PDPK1: variants seen among roughly 807,000 people sequenced by gnomAD.
PDPK1 encodes 3-phosphoinositide dependent protein kinase 1.
Under a neutral mutation model 39.8 loss-of-function variants are expected in PDPK1, and 7 were observed. The ratio of observed to expected loss-of-function variants is 0.18; its 90% confidence interval spans 0.10 to 0.33. The LOEUF (loss-of-function observed/expected upper bound fraction) is 0.33. PDPK1 is among the 10% of genes least tolerant of loss of function. The probability of loss-of-function intolerance (pLI) is 1.00; values close to 1 mark genes in which losing one functional copy is unlikely to be tolerated. For synonymous variants in PDPK1, 118 were observed against 159.1 expected (o/e 0.74, Z 1.95); for missense variants, 182 against 384.7 (o/e 0.47, Z 4.41).
In PDPK1 at chr16:2,597,493, G is replaced by A. The variant is rs1288062840; in HGVS notation, c.1555-158G>A. 2.6e-5 allele frequency among the ~76,000 whole-genome samples: 4 copies of A among 152,214 alleles called. No homozygotes were observed. The highest frequency in any genetic ancestry group is 5.9e-5 in the Non-Finnish European group (4 of 68,040). ...AGTTTGGTGGTGACTGGGGGTGGTGGTCATCAGCCTGTGTAGTTGCTTACT... is the reference window on the plus strand; with the variant it reads ...AGTTTGGTGGTGACTGGGGGTGGTGATCATCAGCCTGTGTAGTTGCTTACT... On this transcript the variant is annotated intron_variant, in intron 13 of 13. Coordinates refer to ENST00000342085, the MANE Select transcript of PDPK1 (RefSeq NM_002613.5). The surrounding 1 kb of genome is among the most constrained non-coding windows in gnomAD (Gnocchi z 6.3).
At chr16:2,579,678 G>A (rs557066965) in intron 7 of PDPK1, 5 of 141,982 alleles carry the variant, frequency 3.5e-5, no homozygotes, top group South Asian at 2.4e-4. Flanking sequence ...GAGGCCGGGC[G>A]TGGTGGCTCA....
rs1213516771 is a variant in PDPK1 at position 2,600,383 on chromosome 16, G to A, written c.*2616G>A. 2.1e-5 allele frequency: 5 copies of A among 232,720 alleles called. No individual in the cohort carries two copies. Among genetic ancestry groups the A allele is most frequent in the East Asian group, 6.0e-5 (1 of 16,584 alleles). The allele number at this position is 232,720 out of a possible 1,614,324, so 14.4% of individuals were successfully genotyped here. On this transcript the variant is annotated 3_prime_UTR_variant, in exon 14 of 14. Coordinates refer to ENST00000342085, the MANE Select transcript of PDPK1 (RefSeq NM_002613.5). ...CACAAAGCGGAGGGAGGCTGTGGTC[G>A]CTGCCGGCCTAGGTGTCCCAGGTGC...
intron 1 of PDPK1, among the ~76,000 whole-genome samples, chr16:2,540,520 G>A (rs1366029854): frequency 6.6e-6 from 1 of 152,100 alleles, no homozygotes; most frequent in Non-Finnish European, 1.5e-5. Context: ...AGGGTCTGCC[G>A]GGCAGCTCAG....
At chr16:2,547,103 C>G (rs1383783683) in intron 1 of PDPK1, among the ~76,000 whole-genome samples, 1 of 149,330 alleles carries the variant, frequency 6.7e-6, no homozygotes, top group Non-Finnish European at 1.5e-5. Flanking sequence ...TTTGCTCAGC[C>G]CTGTTCTTGG....
intron 1 of PDPK1, among the ~76,000 whole-genome samples, chr16:2,545,678 A>G (rs918438059): frequency 2.0e-5 from 3 of 152,168 alleles, no homozygotes; most frequent in Non-Finnish European, 4.4e-5. Context: ...TATTTTCAGT[A>G]GAGACGGCGT....
At chr16:2,596,039 GC>G (rs2142008465) in intron 12 of PDPK1, among the ~76,000 whole-genome samples, 189 bp downstream of exon 12, 1 of 152,332 alleles carries the variant, frequency 6.6e-6, no homozygotes, top group African/African-American at 2.4e-5. Flanking sequence ...ACACGCGTAG[GC>G]GGTTAGGGCA....
intron 1 of PDPK1, among the ~76,000 whole-genome samples, chr16:2,541,642 G>A (rs1395311041): frequency 6.6e-6 from 1 of 152,170 alleles, no homozygotes; most frequent in Admixed American, 6.5e-5. Flanking sequence ...TGTGGCCACT[G>A]GGCTGCCCAG....
intron 11 of PDPK1, among the ~76,000 whole-genome samples, chr16:2,592,296 C>T (rs1481526190): frequency 1.3e-5 from 2 of 152,102 alleles, no homozygotes; most frequent in Non-Finnish European, 2.9e-5. Flanking sequence ...GAGGTGTCGC[C>T]TGTTTTGAGG....
At position 2,593,341 on chromosome 16, in the gene PDPK1, C is replaced by G. The variant is rs942722451; in HGVS notation, c.1344-2452C>G. On this transcript the variant is annotated intron_variant, in intron 11 of 13. Coordinates refer to ENST00000342085, the MANE Select transcript of PDPK1 (RefSeq NM_002613.5). This position sits in a 1 kb window ranked among gnomAD's most constrained non-coding sequence, Gnocchi z 4.2. Reference sequence around the variant, plus strand: ...TTTGCTGTGGGGTGCAGCTGATGGCCCATGGCGGCTGTATCTGGAAGTCCT... The same window carrying G: ...TTTGCTGTGGGGTGCAGCTGATGGCGCATGGCGGCTGTATCTGGAAGTCCT... 1.2e-5 allele frequency: 4 copies of G among 338,340 alleles called. No individual in the cohort carries two copies. Among genetic ancestry groups the G allele is most frequent in the African/African-American group, 2.2e-5 (1 of 45,856 alleles). The allele number at this position is 338,340 out of a possible 1,614,324, so 21.0% of individuals were successfully genotyped here.
rs1597036220 is a variant in PDPK1 at position 2,558,021 on chromosome 16, C to T, written c.285+58C>T. 6 of 1,597,736 alleles carry T rather than the reference C, an allele frequency of 3.8e-6. No homozygotes were observed. The East Asian group carries it at 1.3e-4, about 36-fold the overall frequency. On this transcript the variant is annotated intron_variant, in intron 2 of 13. Coordinates refer to ENST00000342085, the MANE Select transcript of PDPK1 (RefSeq NM_002613.5). Reference sequence around the variant, plus strand: ...ACGTGATTTCCTTGGGGAGGCTCACCTTCCTCGGGGCTTGCCGGAGACTCC... The same window carrying T: ...ACGTGATTTCCTTGGGGAGGCTCACTTTCCTCGGGGCTTGCCGGAGACTCC...
At chr16:2,585,713 C>A (rs536770144) in intron 10 of PDPK1, among the ~76,000 whole-genome samples, 2 of 152,330 alleles carry the variant, frequency 1.3e-5, no homozygotes, top group South Asian at 2.1e-4. Context: ...TGCCCGTTGG[C>A]GAGCACCTTG....
Position 2,593,156 on chromosome 16 carries a change from G to A in PDPK1, c.1344-2637G>A. ...ACCACTCCTGCACGCCCGTGCCTGT[G>A]GCATGCCCAGATGATCAGGGTGGAG... On this transcript the variant is annotated intron_variant, in intron 11 of 13. Transcript: ENST00000342085. This position sits in a 1 kb window ranked among gnomAD's most constrained non-coding sequence, Gnocchi z 4.2. 2.2e-6 allele frequency: 1 copy of A among 453,472 alleles called. No homozygotes were observed. The highest frequency in any genetic ancestry group is 1.6e-5 in the South Asian group (1 of 64,364). The allele number at this position is 453,472 out of a possible 1,614,324, so 28.1% of individuals were successfully genotyped here. A position where few individuals can be genotyped will look rare whatever the true frequency, so the allele number is the denominator to read the frequency against.
At chr16:2,538,899 T>C in intron 1 of PDPK1, 2 of 584,856 alleles carry the variant, frequency 3.4e-6, no homozygotes, top group Non-Finnish European at 5.1e-6. Flanking sequence ...TTTTATGTTT[T>C]CCATATGCTA....
rs1014175865 is a variant in PDPK1, at chr16:2,598,477, C to T, written c.*710C>T. ...CAGGCTGCCGAGTGGAGGGTGCCAT[C>T]GAGGGCTCCGGATCCCTTATCCTAC... is the stretch of plus-strand genomic sequence containing the variant. On this transcript the variant is annotated 3_prime_UTR_variant, in exon 14 of 14. Coordinates refer to ENST00000342085, the MANE Select transcript of PDPK1 (RefSeq NM_002613.5). 7 of 233,650 alleles carry T rather than the reference C, an allele frequency of 3.0e-5. No individual in the cohort carries two copies. In the East Asian group the frequency reaches 4.2e-4, roughly 14 times the overall value. 14.5% of individuals were successfully genotyped at this position (233,650 alleles called of 1,614,324 possible). A position where few individuals can be genotyped will look rare whatever the true frequency, so the allele number is the denominator to read the frequency against.
chr16:2,538,858 TTCTC>T (rs930192123), intron 1 of PDPK1: 1 of 945,512 alleles, frequency 1.1e-6, no homozygotes, highest in Non-Finnish European at 1.4e-6. Flanking sequence ...TTTCTATATT[TTCTC>T]TCTATCGCTA....
intron 1 of PDPK1, among the ~76,000 whole-genome samples, chr16:2,544,444 A>C (rs1363611231): frequency 6.6e-6 from 1 of 152,220 alleles, no homozygotes; most frequent in Non-Finnish European, 1.5e-5. Context: ...ACCTTTCTCC[A>C]CTAATTTTTG....
At position 2,593,384 on chromosome 16, in the gene PDPK1, G is replaced by A. The variant is rs1288998161; in HGVS notation, c.1344-2409G>A. On this transcript the variant is annotated intron_variant, in intron 11 of 13. Coordinates refer to ENST00000342085, the MANE Select transcript of PDPK1 (RefSeq NM_002613.5). This position sits in a 1 kb window ranked among gnomAD's most constrained non-coding sequence, Gnocchi z 4.2. ...GAAGTCCTTTCCCGCCCCAGCTGTG[G>A]TCCTGGTGGTTTTTTAGGTGGAGGT... 1.2e-5 allele frequency: 4 copies of A among 327,184 alleles called. No homozygotes were observed. Among genetic ancestry groups the A allele is most frequent in the Admixed American group, 9.6e-5 (2 of 20,788 alleles). 20.3% of individuals were successfully genotyped at this position (327,184 alleles called of 1,614,324 possible).
intron 1 of PDPK1, among the ~76,000 whole-genome samples, chr16:2,550,374 T>C (rs918151123): frequency 2.7e-5 from 2 of 73,380 alleles, no homozygotes; most frequent in African/African-American, 1.2e-4. Flanking sequence ...AACAGGATTT[T>C]ACCAGAAGGC....
At chr16:2,585,648 G>T (rs927840757) in intron 10 of PDPK1, among the ~76,000 whole-genome samples, 1 of 152,194 alleles carries the variant, frequency 6.6e-6, no homozygotes, top group Non-Finnish European at 1.5e-5. Flanking sequence ...CCCGTGGAGG[G>T]GTCGGCGTGG....
Sources: allele counts gnomAD v4.1 joint callset (sites outside exome capture counted in the v4.1 genomes callset), GRCh38; gene constraint gnomAD v4.1.1; non-coding constraint Gnocchi (gnomAD v3.1); transcripts MANE v1.5; gene names NCBI Gene and HGNC (gene_info 2026-07-23, HGNC 2026-07-21).